The following VCAN variants were observed in gnomAD, a reference collection of about 807,000 sequenced individuals.
VCAN encodes versican.
Under a neutral mutation model 245.5 loss-of-function variants are expected in VCAN, and 44 were observed. The ratio of observed to expected loss-of-function variants is 0.18; its 90% CI spans 0.14 to 0.23. The LOEUF is 0.23. Ranked by LOEUF, VCAN falls within the 10% of genes least tolerant of loss-of-function variation. VCAN has a pLI of 1.00. For synonymous variants in VCAN, 1,413 were observed against 1,437.0 expected (o/e 0.98, Z 0.38); for missense variants, 3,793 against 4,057.9 (o/e 0.93, Z 1.77).
rs777127620 is a variant in VCAN at position 83,522,149 on chromosome 5, G to A, written c.3843G>A (p.Thr1281=). The change falls in exon 7 of 15, where the codon ACG becomes ACA. Residue 1281 remains threonine, a synonymous_variant. Transcript: ENST00000265077. ...TETDIDREYF[T]TSSPPATQPT... ...CCGATATTGATAGAGAGTATTTCAC[G>A]ACTTCAAGTCCTCCTGCTACACAGC... The A allele has an allele frequency of 9.9e-6, 16 of 1,612,114 alleles. No homozygotes were observed. Among genetic ancestry groups the A allele is most frequent in the Non-Finnish European group, 1.3e-5 (15 of 1,180,026 alleles).
At position 83,488,768 on chromosome 5, in the gene VCAN, C is replaced by T. The variant is rs892916465; in HGVS notation, c.71-1330C>T. 1.2e-4 allele frequency among the ~76,000 whole-genome samples: 19 copies of T among 152,180 alleles called. No homozygotes were observed. The Middle Eastern group carries it at 0.01, about 82-fold the overall frequency. On this transcript the variant is annotated intron_variant, in intron 2 of 14. Transcript: ENST00000265077. ...AATAAAATAATAAACAAATGCATAA[C>T]AGCAATGGTTATTATACATTTGAAA... is the stretch of plus-strand genomic sequence containing the variant.
intron 5 of VCAN, among the ~76,000 whole-genome samples, chr5:83,503,679 C>A (rs1034549251): frequency 6.6e-6 from 1 of 152,318 alleles, no homozygotes; most frequent in East Asian, 1.9e-4. Flanking sequence ...CATCACCCAG[C>A]AAATATACTC....
At chr5:83,556,986 A>C (rs764717532) in intron 12 of VCAN, among the ~76,000 whole-genome samples, 4 of 152,086 alleles carry the variant, frequency 2.6e-5, no homozygotes, top group Non-Finnish European at 5.9e-5. Context: ...TGAAAAGTGC[A>C]GGGTTTTGTG....
intron 5 of VCAN, among the ~76,000 whole-genome samples, chr5:83,508,019 C>A (rs1745532615): frequency 6.6e-6 from 1 of 152,148 alleles, no homozygotes; most frequent in Non-Finnish European, 1.5e-5. Flanking sequence ...TTACTTTGTG[C>A]AAAATGAGCT....
At chr5:83,475,576 C>T (rs889009620) in intron 1 of VCAN, among the ~76,000 whole-genome samples, 1 of 152,180 alleles carries the variant, frequency 6.6e-6, no homozygotes, top group Admixed American at 6.5e-5. Context: ...AAGCGGTTCC[C>T]AGTTTGTAAC....
intron 10 of VCAN, among the ~76,000 whole-genome samples, chr5:83,549,963 G>A (rs952690695): frequency 6.6e-6 from 1 of 152,176 alleles, no homozygotes; most frequent in African/African-American, 2.4e-5. Context: ...TCCTTCAGCT[G>A]ACGTTTTCTG....
At chr5:83,560,739 G>T (rs1747835247) in intron 12 of VCAN, among the ~76,000 whole-genome samples, 2 of 152,128 alleles carry the variant, frequency 1.3e-5, no homozygotes, top group South Asian at 4.1e-4. Context: ...AAATTGTGGA[G>T]CTCAGAGATT....
chr5:83,476,767 A>G (rs534588939), intron 1 of VCAN, among the ~76,000 whole-genome samples: 11 of 152,160 alleles, frequency 7.2e-5, no homozygotes, highest in African/African-American at 2.4e-4. Context: ...AGGTGGTTGT[A>G]TTTCAGAGGT....
chr5:83,508,160 T>C (rs1226423016), intron 5 of VCAN, among the ~76,000 whole-genome samples: 1 of 152,200 alleles, frequency 6.6e-6, no homozygotes, highest in Non-Finnish European at 1.5e-5. Flanking sequence ...TGGGAGGCAA[T>C]TGGCATCATA....
In VCAN at chr5:83,519,808, C is replaced by T; in HGVS notation, c.1502C>T (p.Ser501Phe). 1 of 1,614,150 alleles carries T rather than the reference C, an allele frequency of 6.2e-7. No individual in the cohort carries two copies. Among genetic ancestry groups the T allele is most frequent in the Non-Finnish European group, 8.5e-7 (1 of 1,180,002 alleles). The change falls in exon 7 of 15, where the codon TCT becomes TTT. Residue 501 changes from serine (S) to phenylalanine (F), a missense_variant. Coordinates refer to ENST00000265077, the MANE Select transcript of VCAN (RefSeq NM_004385.5). Reference protein sequence around the residue: ...EQIEVGPLVTSMEILKHIPSK... With the variant: ...EQIEVGPLVTFMEILKHIPSK... ...ATAGAAGTGGGTCCTTTGGTAACATCTATGGAAATCTTAAAGCACATTCCT... is the reference window on the plus strand; with the variant it reads ...ATAGAAGTGGGTCCTTTGGTAACATTTATGGAAATCTTAAAGCACATTCCT...
intron 7 of VCAN, chr5:83,536,334 T>C (rs1746705289): frequency 6.6e-6 from 1 of 152,104 alleles, no homozygotes; most frequent in South Asian, 2.1e-4. Context: ...AGCTTCCCAC[T>C]CTTGTGCATA....
intron 7 of VCAN, among the ~76,000 whole-genome samples, chr5:83,525,623 C>G (rs918093808): frequency 5.3e-5 from 8 of 152,100 alleles, no homozygotes; most frequent in African/African-American, 1.9e-4. Context: ...ATATATACTA[C>G]TTATTATGTG....
chr5:83,499,014 T>C (rs185975279), intron 5 of VCAN, among the ~76,000 whole-genome samples: 175 of 152,156 alleles, frequency 1.2e-3, no homozygotes, highest in African/African-American at 4.0e-3. Context: ...CACGTGCATC[T>C]CGCCCTGCAC....
chr5:83,488,184 C>G lies in VCAN; in HGVS notation c.71-1914C>G, dbSNP rs190782426. Reference sequence around the variant, plus strand: ...AATATCTTTGTGTTATCATCATCTCCCTAATTAGGTCCAAATTAAAGGAAT... The same window carrying G: ...AATATCTTTGTGTTATCATCATCTCGCTAATTAGGTCCAAATTAAAGGAAT... On this transcript the variant is annotated intron_variant, in intron 2 of 14. Coordinates refer to ENST00000265077, the MANE Select transcript of VCAN (RefSeq NM_004385.5). 3.9e-3 allele frequency among the ~76,000 whole-genome samples: 598 copies of G among 152,206 alleles called. 3 individuals are homozygous for G. Among genetic ancestry groups the G allele is most frequent in the African/African-American group, 0.014 (577 of 41,536 alleles).
At chr5:83,482,434 A>T (rs1744644307) in intron 1 of VCAN, among the ~76,000 whole-genome samples, 1 of 152,226 alleles carries the variant, frequency 6.6e-6, no homozygotes. Context: ...GACTTAGGAT[A>T]TCAAGATCAT....
intron 7 of VCAN, among the ~76,000 whole-genome samples, chr5:83,530,226 A>T (rs1580637821): frequency 6.6e-6 from 1 of 152,110 alleles, no homozygotes; most frequent in South Asian, 2.1e-4. Flanking sequence ...TACCAATTTA[A>T]TTTTTTTCTC....
At chr5:83,486,607 G>A (rs183170659) in intron 2 of VCAN, among the ~76,000 whole-genome samples, 3 of 152,280 alleles carry the variant, frequency 2.0e-5, no homozygotes, top group Non-Finnish European at 2.9e-5. Context: ...AAAGTAGTAG[G>A]CGACCATCCT....
Position 83,581,760 on chromosome 5 carries a change from A to T in VCAN, c.*1326A>T, listed in dbSNP as rs927226299. On this transcript the variant is annotated 3_prime_UTR_variant, in exon 15 of 15. Transcript: ENST00000265077. Reference sequence around the variant, plus strand: ...TTGACATTTCTCCCCATCTCTTCCCACTCTGTTTTCTCCCCATTATTTGAA... The same window carrying T: ...TTGACATTTCTCCCCATCTCTTCCCTCTCTGTTTTCTCCCCATTATTTGAA... 3 of 151,858 alleles carry T rather than the reference A, an allele frequency of 2.0e-5. No homozygotes were observed. Among genetic ancestry groups the T allele is most frequent in the Non-Finnish European group, 2.9e-5 (2 of 67,946 alleles). 9.4% of individuals were successfully genotyped at this position (151,858 alleles called of 1,614,324 possible). A position where few individuals can be genotyped will look rare whatever the true frequency, so the allele number is the denominator to read the frequency against.
intron 12 of VCAN, among the ~76,000 whole-genome samples, chr5:83,568,975 A>T (rs1748184676): frequency 1.3e-5 from 2 of 152,164 alleles, no homozygotes; most frequent in African/African-American, 4.8e-5. Context: ...TTGGATCATT[A>T]TAATGTAATA....
Sources: gnomAD v4.1 joint callset for allele counts (sites outside exome capture counted in the v4.1 genomes callset) on GRCh38, gnomAD v4.1.1 for gene constraint, MANE v1.5 for transcripts, NCBI Gene and HGNC (gene_info 2026-07-23, HGNC 2026-07-21) for gene names.